PCDHGA2: variants seen among roughly 807,000 people sequenced by gnomAD.
PCDHGA2 encodes protocadherin gamma subfamily A, 2, also known as protocadherin gamma-A2.
In PCDHGA2, 40 loss-of-function variants were observed where a neutral mutation model predicts 59.2. The ratio of observed to expected loss-of-function variants is 0.68; its 90% CI spans 0.52 to 0.88. The LOEUF (loss-of-function observed/expected upper bound fraction) is 0.88. Among genes scored for constraint, PCDHGA2 ranks in the 40% least tolerant of loss-of-function variants. The pLI is 0.00. For synonymous variants in PCDHGA2, 560 were observed against 526.0 expected, an observed-to-expected ratio of 1.06 and a Z score of -0.89; for missense variants, 1,226 against 1,204.0, an observed-to-expected ratio of 1.02 and a Z score of -0.27.
chr5:141,345,770 T>G (rs3749774), intron 1 of PCDHGA2: 4 of 1,613,776 alleles, frequency 2.5e-6, no homozygotes, highest in Admixed American at 3.3e-5. Context: ...AGCTGGCGCC[T>G]CGCTCCGCAG....
At chr5:141,444,599 A>G (rs373366708) in intron 1 of PCDHGA2, among the ~76,000 whole-genome samples, 2 of 152,108 alleles carry the variant, frequency 1.3e-5, no homozygotes, top group African/African-American at 2.4e-5. Flanking sequence ...CCTTATTTAA[A>G]ATTGATTTTT....
In PCDHGA2 at chr5:141,389,323, G is replaced by T. The variant is rs1230521211; in HGVS notation, c.2424+47928G>T. 26 of 1,613,980 alleles carry T rather than the reference G, an allele frequency of 1.6e-5. No individual in the cohort carries two copies. Among genetic ancestry groups the T allele is most frequent in the Non-Finnish European group, 1.8e-5 (21 of 1,179,896 alleles). ...GTCAGGGCTTCTGATCCGGACTTGG[G>T]GCCCAACGGCCAAGTCTCTTACTGC... On this transcript the variant is annotated intron_variant, in intron 1 of 3. Transcript: ENST00000394576.
intron 1 of PCDHGA2, chr5:141,361,463 C>T: frequency 6.2e-7 from 1 of 1,614,070 alleles, no homozygotes; most frequent in South Asian, 1.1e-5. Context: ...CTGCACATCT[C>T]CGACGTCAAC....
At chr5:141,345,231 C>T (rs1452734533) in intron 1 of PCDHGA2, 10 of 1,613,816 alleles carry the variant, frequency 6.2e-6, no homozygotes, top group Middle Eastern at 3.3e-4. Context: ...ATCAATAGAT[C>T]AATATTACCG....
intron 1 of PCDHGA2, chr5:141,400,651 C>G (rs2094056317): frequency 8.6e-7 from 1 of 1,166,874 alleles, no homozygotes; most frequent in African/African-American, 1.5e-5. Flanking sequence ...GAAAGCTGTC[C>G]TACCATTCTT....
intron 1 of PCDHGA2, chr5:141,421,352 AGG>A: frequency 6.2e-7 from 1 of 1,613,946 alleles, no homozygotes; most frequent in Non-Finnish European, 8.5e-7. Context: ...GAGACCGAAA[AGG>A]GCTCCTTCGT....
rs747671382 is a variant in PCDHGA2 at position 141,444,152 on chromosome 5, A to ATTTTTT, written c.2425-50624_2425-50619dup. ...GATATGTGTCACTTGTGTGTACTGG[A>ATTTTTT]TTTTTTTTTTTTTTTTTTTTTTTTT... On this transcript the variant is annotated intron_variant, in intron 1 of 3. Coordinates refer to ENST00000394576, the MANE Select transcript of PCDHGA2 (RefSeq NM_018915.4). Among the ~76,000 whole-genome samples the ATTTTTT allele has an allele frequency of 3.5e-4, 12 of 33,898 alleles. 1 individual carries two copies. Among genetic ancestry groups the ATTTTTT allele is most frequent in the African/African-American group, 4.2e-4 (3 of 7,184 alleles). The allele number at this position is 33,898 out of a possible 152,430, so 22.2% of individuals were successfully genotyped here.
In PCDHGA2 at chr5:141,491,727, G is replaced by C; in HGVS notation, c.2425-3080G>C. On this transcript the variant is annotated intron_variant, in intron 1 of 3. Transcript: ENST00000394576. This position sits in a 1 kb window ranked among gnomAD's most constrained non-coding sequence, Gnocchi z 6.9. ...TGAGGGGCTCGGCGCCGCCCCGGGC[G>C]ACCCCTGGGGGCGGCACTGGAGAAG... 6.2e-7 allele frequency: 1 copy of C among 1,604,916 alleles called. No individual in the cohort carries two copies. The highest frequency in any genetic ancestry group is 8.5e-7 in the Non-Finnish European group (1 of 1,176,284).
In PCDHGA2 at chr5:141,366,466, G is replaced by C. The variant is rs774389587; in HGVS notation, c.2424+25071G>C. 9 of 1,614,110 alleles carry C rather than the reference G, an allele frequency of 5.6e-6. No individual in the cohort carries two copies. The South Asian group carries it at 9.9e-5, about 18-fold the overall frequency. Reference sequence around the variant, plus strand: ...TCCTGGCCTTCGTCATCGTGCTGCTGGTGCTCAGACTGAGGCGCTGGCACA... The same window carrying C: ...TCCTGGCCTTCGTCATCGTGCTGCTCGTGCTCAGACTGAGGCGCTGGCACA... On this transcript the variant is annotated intron_variant, in intron 1 of 3. Coordinates refer to ENST00000394576, the MANE Select transcript of PCDHGA2 (RefSeq NM_018915.4).
At chr5:141,421,823 G>A in intron 1 of PCDHGA2, 1 of 1,613,802 alleles carries the variant, frequency 6.2e-7, no homozygotes. Flanking sequence ...GTACTGGAGG[G>A]AAGCCTGGAC....
intron 1 of PCDHGA2, among the ~76,000 whole-genome samples, chr5:141,368,962 C>T (rs562789740): frequency 6.6e-6 from 1 of 152,310 alleles, no homozygotes; most frequent in South Asian, 2.1e-4. Context: ...GTTTAAGATG[C>T]TATAATGCTT....
chr5:141,355,804 C>T (rs866252857), intron 1 of PCDHGA2: 3 of 1,613,238 alleles, frequency 1.9e-6, no homozygotes, highest in African/African-American at 1.3e-5. Flanking sequence ...CGCTCTAGAT[C>T]GCGAGGAAGA....
chr5:141,366,516 GCA>G (rs1377618630), intron 1 of PCDHGA2: 10 of 1,614,156 alleles, frequency 6.2e-6, no homozygotes, highest in East Asian at 4.5e-5. Context: ...CAGGCTGAAG[GCA>G]GCAGGTTGGC....
chr5:141,435,883 C>A (rs1458527952), intron 1 of PCDHGA2, among the ~76,000 whole-genome samples: 1 of 152,020 alleles, frequency 6.6e-6, no homozygotes, highest in African/African-American at 2.4e-5. Flanking sequence ...GATTGGAAAC[C>A]CCTTAGAGAA....
At chr5:141,424,120 C>A in intron 1 of PCDHGA2, 2 of 650,838 alleles carry the variant, frequency 3.1e-6, no homozygotes, top group Non-Finnish European at 3.9e-6. Context: ...AAATTTTGAT[C>A]CTGTTGATTT....
intron 1 of PCDHGA2, chr5:141,422,727 G>T (rs373180311): frequency 6.3e-5 from 102 of 1,606,434 alleles, no homozygotes; most frequent in Non-Finnish European, 2.0e-5. Context: ...TCCAGGGGGT[G>T]CCTCTGTCCT....
chr5:141,398,337 G>T, intron 1 of PCDHGA2: 3 of 1,369,482 alleles, frequency 2.2e-6, no homozygotes, highest in Non-Finnish European at 3.0e-6. Context: ...GCGTCAGTTC[G>T]GAGAAGCCTT....
At position 141,384,937 on chromosome 5, in the gene PCDHGA2, C is replaced by T. The variant is rs373048330; in HGVS notation, c.2424+43542C>T. ...CTTGGCCGACCTGGGCAGCCTTGAG[C>T]CCTCCGACGGTCCTTACAACTATGA... On this transcript the variant is annotated intron_variant, in intron 1 of 3. Coordinates refer to ENST00000394576, the MANE Select transcript of PCDHGA2 (RefSeq NM_018915.4). 4.5e-5 allele frequency: 72 copies of T among 1,613,950 alleles called. No homozygotes were observed. The highest frequency in any genetic ancestry group is 2.3e-4 in the Admixed American group (14 of 60,012).
chr5:141,477,059 A>T lies in PCDHGA2; in HGVS notation c.2425-17748A>T. The T allele has an allele frequency of 6.2e-7, 1 of 1,614,238 alleles. No homozygotes were observed. Among genetic ancestry groups the T allele is most frequent in the Non-Finnish European group, 8.5e-7 (1 of 1,180,036 alleles). ...CAAGGGTCGGCTGGACTTCGAGGAC[A>T]CCAAACTCCATGAGATTTACATCCA... On this transcript the variant is annotated intron_variant, in intron 1 of 3. Transcript: ENST00000394576. The surrounding 1 kb of genome is among the most constrained non-coding windows in gnomAD (Gnocchi z 4.9).
Sources: gnomAD v4.1 joint callset for allele counts (sites outside exome capture counted in the v4.1 genomes callset) on GRCh38, gnomAD v4.1.1 for gene constraint, Gnocchi (gnomAD v3.1) non-coding constraint, MANE v1.5 for transcripts, NCBI Gene and HGNC (gene_info 2026-07-23, HGNC 2026-07-21) for gene names.